The following TECRL variants were observed in gnomAD, a reference collection of about 807,000 sequenced individuals.
TECRL encodes trans-2,3-enoyl-CoA reductase-like.
In TECRL, 63 loss-of-function variants were observed where a neutral mutation model predicts 52.8. The observed-to-expected ratio is 1.19, with a 90% confidence interval of 0.97 to 1.47. The LOEUF is 1.47. TECRL is among the 40% of genes most tolerant of loss of function. TECRL has a pLI of 0.00. For missense variants in TECRL, 482 were observed against 429.6 expected (o/e 1.12, Z -1.08); for synonymous variants, 164 against 141.9 (o/e 1.16, Z -1.10).
intron 2 of TECRL, among the ~76,000 whole-genome samples, chr4:64,359,086 A>G (rs1425113807): frequency 2.6e-5 from 4 of 151,714 alleles, no homozygotes; most frequent in African/African-American, 9.7e-5. Flanking sequence ...GGTTTTCTGA[A>G]AATTTTTTTA....
At chr4:64,335,972 T>A (rs1577892019) in intron 2 of TECRL, among the ~76,000 whole-genome samples, 1 of 152,196 alleles carries the variant, frequency 6.6e-6, no homozygotes, top group African/African-American at 2.4e-5. Flanking sequence ...TTGGTCTTTT[T>A]TTTTGGTTGT....
chr4:64,385,741 G>A (rs1723134781), intron 1 of TECRL, among the ~76,000 whole-genome samples: 1 of 152,038 alleles, frequency 6.6e-6, no homozygotes, highest in Non-Finnish European at 1.5e-5. Flanking sequence ...AACGCAATGT[G>A]AACTCCCTCT....
intron 2 of TECRL, among the ~76,000 whole-genome samples, chr4:64,363,837 A>G (rs143552369): frequency 0.012 from 1,901 of 152,246 alleles, 46 homozygotes; most frequent in African/African-American, 0.043. Context: ...TTTTGCTTCT[A>G]AGAGAAGTTA....
intron 2 of TECRL, among the ~76,000 whole-genome samples, chr4:64,331,627 C>G (rs1019131359): frequency 4.0e-5 from 6 of 151,856 alleles, no homozygotes; most frequent in African/African-American, 9.7e-5. Context: ...AATAAAGAAT[C>G]AAAAATATTA....
At chr4:64,365,337 G>C (rs1476845023) in intron 2 of TECRL, among the ~76,000 whole-genome samples, 1 of 151,850 alleles carries the variant, frequency 6.6e-6, no homozygotes, top group Non-Finnish European at 1.5e-5. Context: ...CAAAGAGTCC[G>C]ACTTTTACCA....
At chr4:64,282,682 G>A (rs1296343989) in intron 9 of TECRL, among the ~76,000 whole-genome samples, 1 of 151,956 alleles carries the variant, frequency 6.6e-6, no homozygotes, top group Non-Finnish European at 1.5e-5. Context: ...AGCCCCTAGA[G>A]GTGTGGAATG....
intron 3 of TECRL, 93 bp downstream of exon 3, chr4:64,328,419 G>T: frequency 2.9e-6 from 3 of 1,040,304 alleles, no homozygotes; most frequent in Non-Finnish European, 4.3e-6. Context: ...ACTAATATTT[G>T]TATATTTGCA....
intron 9 of TECRL, among the ~76,000 whole-genome samples, chr4:64,287,236 A>G (rs1723123832): frequency 6.6e-6 from 1 of 152,138 alleles, no homozygotes; most frequent in African/African-American, 2.4e-5. Flanking sequence ...TTTATCACCA[A>G]TACTCAAAAA....
At chr4:64,353,761 A>AT (rs1720561589) in intron 2 of TECRL, among the ~76,000 whole-genome samples, 1 of 151,392 alleles carries the variant, frequency 6.6e-6, no homozygotes, top group Non-Finnish European at 1.5e-5. Context: ...ACACCATGAT[A>AT]TTTTTTAAAC....
chr4:64,289,130 T>A (rs977178091), intron 9 of TECRL, among the ~76,000 whole-genome samples: 6 of 152,196 alleles, frequency 3.9e-5, no homozygotes, highest in Non-Finnish European at 8.8e-5. Context: ...TTATAATGGT[T>A]CCTATTTTGA....
chr4:64,381,077 T>C (rs1419937742), intron 1 of TECRL, among the ~76,000 whole-genome samples: 1 of 152,076 alleles, frequency 6.6e-6, no homozygotes, highest in East Asian at 1.9e-4. Context: ...ATTTCTTTCA[T>C]CAGAGTTTTG....
At chr4:64,322,410 T>C (rs922287309) in intron 4 of TECRL, among the ~76,000 whole-genome samples, 1 of 150,212 alleles carries the variant, frequency 6.7e-6, no homozygotes, top group African/African-American at 2.5e-5. Flanking sequence ...TCTGGTATTT[T>C]GGTAACAAAG....
At chr4:64,382,191 GTATATATATATATATA>G (rs200934355) in intron 1 of TECRL, among the ~76,000 whole-genome samples, 36 of 13,384 alleles carry the variant, frequency 2.7e-3, no homozygotes, top group African/African-American at 4.0e-3. Flanking sequence ...GGAAATTTCT[GTATATATATATATATA>G]TATATATATA....
chr4:64,395,266 T>G (rs886884354), intron 1 of TECRL, among the ~76,000 whole-genome samples: 2 of 152,072 alleles, frequency 1.3e-5, no homozygotes, highest in African/African-American at 2.4e-5. Flanking sequence ...TTTACCCAAA[T>G]TATATTTTAA....
intron 7 of TECRL, among the ~76,000 whole-genome samples, chr4:64,301,961 T>G (rs1724047798): frequency 6.6e-6 from 1 of 151,296 alleles, no homozygotes; most frequent in Admixed American, 6.6e-5. Context: ...TTAATAATAT[T>G]TTATAATCTG....
rs191188220 is a variant in TECRL, at chr4:64,398,367, G to C, written c.234+10751C>G. Reference sequence around the variant, plus strand: ...CTGGTGGGAGGGAAATGAATCATGGGGTCAGATTTCTCGTGAATGATTTAA... The same window carrying C: ...CTGGTGGGAGGGAAATGAATCATGGCGTCAGATTTCTCGTGAATGATTTAA... On this transcript the variant is annotated intron_variant, in intron 1 of 11. Transcript: ENST00000381210. Among the ~76,000 whole-genome samples, 99 of 152,216 alleles carry C rather than the reference G, an allele frequency of 6.5e-4. No homozygotes were observed. In the East Asian group the frequency reaches 0.017, roughly 26 times the overall value.
chr4:64,297,968 A>AC (rs1376898279), intron 8 of TECRL, among the ~76,000 whole-genome samples: 2 of 151,242 alleles, frequency 1.3e-5, no homozygotes, highest in Non-Finnish European at 3.0e-5. Flanking sequence ...TAAAAGAGTC[A>AC]CAGTGGTCAT....
In TECRL at chr4:64,278,490, G is replaced by A. The variant is rs539644095; in HGVS notation, c.*1582C>T. The A allele has an allele frequency of 9.2e-5, 23 of 251,332 alleles. No individual in the cohort carries two copies. Among genetic ancestry groups the A allele is most frequent in the South Asian group, 3.0e-4 (2 of 6,710 alleles). The allele number at this position is 251,332 out of a possible 1,614,324, so 15.6% of individuals were successfully genotyped here. A position where few individuals can be genotyped will look rare whatever the true frequency, so the allele number is the denominator to read the frequency against. ...TTAAATTAAATTTTATTTTTTGAGCGACATAAGAATTGAACATATTTGGGA... is the reference window on the plus strand; with the variant it reads ...TTAAATTAAATTTTATTTTTTGAGCAACATAAGAATTGAACATATTTGGGA... On this transcript the variant is annotated 3_prime_UTR_variant, in exon 12 of 12. Transcript: ENST00000381210.
At chr4:64,339,414 A>T (rs1004973882) in intron 2 of TECRL, among the ~76,000 whole-genome samples, 8 of 152,014 alleles carry the variant, frequency 5.3e-5, no homozygotes, top group Non-Finnish European at 1.0e-4. Context: ...CATGTTTTGC[A>T]CATGTACCCT....
Sources: allele counts gnomAD v4.1 joint callset (sites outside exome capture counted in the v4.1 genomes callset), GRCh38; gene constraint gnomAD v4.1.1; transcripts MANE v1.5; gene names NCBI Gene and HGNC (gene_info 2026-07-23, HGNC 2026-07-21).